CDKAL1: variants seen among roughly 807,000 people sequenced by gnomAD.
The protein encoded by CDKAL1 is threonylcarbamoyladenosine tRNA methylthiotransferase.
In CDKAL1, 32 loss-of-function variants were observed where a neutral mutation model predicts 68.2. The ratio of observed to expected loss-of-function variants is 0.47; its 90% CI spans 0.35 to 0.63. CDKAL1 has a LOEUF of 0.63. Among genes scored for constraint, CDKAL1 ranks in the 30% least tolerant of loss-of-function variants. The pLI, the probability that CDKAL1 is intolerant of heterozygous loss-of-function variation, is 0.00. For synonymous variants in CDKAL1, 234 were observed against 244.3 expected, an observed-to-expected ratio of 0.96 and a Z score of 0.39; for missense variants, 606 against 696.7, an observed-to-expected ratio of 0.87 and a Z score of 1.47.
At position 20,940,907 on chromosome 6, in the gene CDKAL1, A is replaced by G. The variant is rs373134674; in HGVS notation, c.743-14512A>G. Reference sequence around the variant, plus strand: ...AGATCAAGACCATCCTGGCTAACACAGTGAAACCGCGTCTCTACTAAAAAT... The same window carrying G: ...AGATCAAGACCATCCTGGCTAACACGGTGAAACCGCGTCTCTACTAAAAAT... On this transcript the variant is annotated intron_variant, in intron 9 of 15. Coordinates refer to ENST00000274695, the MANE Select transcript of CDKAL1 (RefSeq NM_017774.3). Among the ~76,000 whole-genome samples the G allele has an allele frequency of 2.1e-4, 32 of 152,126 alleles. No homozygotes were observed. In the East Asian group the frequency reaches 3.7e-3, roughly 17 times the overall value.
At chr6:20,946,531 T>A (rs1263347447) in intron 9 of CDKAL1, among the ~76,000 whole-genome samples, 1 of 152,108 alleles carries the variant, frequency 6.6e-6, no homozygotes, top group Non-Finnish European at 1.5e-5. Flanking sequence ...CGGCTGGCCT[T>A]TAAATGCATT....
intron 5 of CDKAL1, among the ~76,000 whole-genome samples, chr6:20,666,666 G>A (rs536093002): frequency 3.4e-4 from 50 of 148,670 alleles, no homozygotes; most frequent in East Asian, 7.9e-4. Context: ...AGGGCTGATC[G>A]CCCGCTGCAT....
chr6:21,002,585 G>C (rs1316584197), intron 11 of CDKAL1, among the ~76,000 whole-genome samples: 1 of 151,286 alleles, frequency 6.6e-6, no homozygotes, highest in Admixed American at 6.6e-5. Flanking sequence ...TTGCAAAACT[G>C]TAGTAGGCAG....
At chr6:20,871,849 T>C (rs898736798) in intron 9 of CDKAL1, among the ~76,000 whole-genome samples, 8 of 152,208 alleles carry the variant, frequency 5.3e-5, no homozygotes, top group African/African-American at 1.9e-4. Context: ...CATTCCCTGT[T>C]GAATCTAGGT....
At chr6:20,586,983 T>TTG (rs1554157989) in intron 4 of CDKAL1, among the ~76,000 whole-genome samples, 1 of 135,904 alleles carries the variant, frequency 7.4e-6, no homozygotes, top group Admixed American at 7.5e-5. Flanking sequence ...CAGGTGTTTT[T>TTG]TTTTTTTTTT....
At chr6:20,605,522 A>G (rs2127716778) in intron 4 of CDKAL1, among the ~76,000 whole-genome samples, 1 of 152,180 alleles carries the variant, frequency 6.6e-6, no homozygotes, top group Non-Finnish European at 1.5e-5. Flanking sequence ...CATGCCTGGT[A>G]CTTTTTGATA....
intron 4 of CDKAL1, among the ~76,000 whole-genome samples, chr6:20,580,061 G>A (rs1300222693): frequency 1.3e-5 from 2 of 152,148 alleles, no homozygotes; most frequent in Non-Finnish European, 2.9e-5. Flanking sequence ...CTAGTTGGTC[G>A]TAGACCCTGG....
chr6:21,167,151 C>T (rs999433188), intron 13 of CDKAL1, among the ~76,000 whole-genome samples: 9 of 152,118 alleles, frequency 5.9e-5, no homozygotes, highest in African/African-American at 1.4e-4. Context: ...TTATGGGCTA[C>T]GGTTAGTTTA....
intron 9 of CDKAL1, among the ~76,000 whole-genome samples, chr6:20,945,275 A>C (rs953169274): frequency 6.6e-6 from 1 of 152,192 alleles, no homozygotes; most frequent in African/African-American, 2.4e-5. Context: ...GGAAATGCTC[A>C]TTGGAGAACT....
chr6:20,785,880 A>G (rs1775650666), intron 8 of CDKAL1, among the ~76,000 whole-genome samples: 1 of 152,222 alleles, frequency 6.6e-6, no homozygotes, highest in Admixed American at 6.5e-5. Context: ...TATTAGAACC[A>G]TTAGACTTTG....
At chr6:20,991,798 T>C (rs1766821507) in intron 10 of CDKAL1, among the ~76,000 whole-genome samples, 1 of 148,162 alleles carries the variant, frequency 6.7e-6, no homozygotes, top group Non-Finnish European at 1.5e-5. Context: ...CGTACATGGC[T>C]CCAGTTCAGG....
At chr6:20,571,514 G>C (rs1282914024) in intron 4 of CDKAL1, among the ~76,000 whole-genome samples, 2 of 152,054 alleles carry the variant, frequency 1.3e-5, no homozygotes, top group African/African-American at 4.8e-5. Flanking sequence ...CAAATTTGGG[G>C]ACTCTGTCTG....
intron 15 of CDKAL1, among the ~76,000 whole-genome samples, chr6:21,204,601 C>G (rs1199581035): frequency 6.6e-6 from 1 of 152,130 alleles, no homozygotes; most frequent in East Asian, 1.9e-4. Context: ...TACATGTGTT[C>G]ACTCATATCG....
chr6:21,227,177 C>T (rs1489269464), intron 15 of CDKAL1, among the ~76,000 whole-genome samples: 2 of 152,180 alleles, frequency 1.3e-5, no homozygotes, highest in South Asian at 2.1e-4. Context: ...GTGTGTGTGT[C>T]GACTTTTTCT....
intron 13 of CDKAL1, among the ~76,000 whole-genome samples, chr6:21,126,655 C>T (rs561896350): frequency 8.5e-5 from 13 of 152,184 alleles, no homozygotes; most frequent in Admixed American, 5.9e-4. Flanking sequence ...AAATTGCAGA[C>T]GTGAGCTTGC....
At chr6:20,742,043 T>G (rs766793796) in intron 6 of CDKAL1, among the ~76,000 whole-genome samples, 4 of 152,158 alleles carry the variant, frequency 2.6e-5, no homozygotes, top group Non-Finnish European at 5.9e-5. Context: ...GTTTTGATTT[T>G]CATTTCTCTA....
intron 5 of CDKAL1, among the ~76,000 whole-genome samples, chr6:20,672,236 CTCTTTCTT>C (rs66598881): frequency 0.016 from 2,122 of 135,448 alleles, 33 homozygotes; most frequent in African/African-American, 0.03. Flanking sequence ...TCTTTTCTTT[CTCTTTCTT>C]TCTTTCTTTC....
At position 20,961,606 on chromosome 6, in the gene CDKAL1, A is replaced by T. The variant is rs1455397169; in HGVS notation, c.909+6021A>T. On this transcript the variant is annotated intron_variant, in intron 10 of 15. Coordinates refer to ENST00000274695, the MANE Select transcript of CDKAL1 (RefSeq NM_017774.3). ...CACAGTGAAACCCCATCTCTACTAA[A>T]AATACAAAAAATTAGCCGGGTGTGG... is the stretch of plus-strand genomic sequence containing the variant. 2.6e-5 allele frequency among the ~76,000 whole-genome samples: 4 copies of T among 152,118 alleles called. No homozygotes were observed. The East Asian group carries it at 7.7e-4, about 29-fold the overall frequency.
At chr6:20,555,627 T>TG (rs1341859252) in intron 4 of CDKAL1, among the ~76,000 whole-genome samples, 3 of 125,716 alleles carry the variant, frequency 2.4e-5, no homozygotes, top group African/African-American at 3.0e-5. Context: ...CCAGAGTTGT[T>TG]TTTTTTTTTT....
Sources: gnomAD v4.1 joint callset for allele counts (sites outside exome capture counted in the v4.1 genomes callset) on GRCh38, gnomAD v4.1.1 for gene constraint, MANE v1.5 for transcripts, NCBI Gene and HGNC (gene_info 2026-07-23, HGNC 2026-07-21) for gene names.